RNLS: variants seen among roughly 807,000 people sequenced by gnomAD.
RNLS encodes renalase, FAD dependent amine oxidase.
A neutral mutation model predicts 39.8 loss-of-function variants in RNLS; 39 were observed. The ratio of observed to expected loss-of-function variants is 0.98; its 90% CI spans 0.76 to 1.28. The LOEUF is 1.28. RNLS is among the 50% of genes most tolerant of loss of function. RNLS has a pLI of 0.00. For synonymous variants in RNLS, 147 were observed against 150.7 expected, an observed-to-expected ratio of 0.98 and a Z score of 0.18; for missense variants, 410 against 413.3, an observed-to-expected ratio of 0.99 and a Z score of 0.07.
intron 4 of RNLS, among the ~76,000 whole-genome samples, chr10:88,559,625 C>T (rs895568115): frequency 1.3e-5 from 2 of 151,278 alleles, no homozygotes; most frequent in Non-Finnish European, 2.9e-5. Context: ...CTCCCTTTCC[C>T]ACTGAATGTC....
At position 88,417,878 on chromosome 10, in the gene RNLS, C is replaced by T. The variant is rs535885817; in HGVS notation, c.527-55153G>A. ...AAGCCTTCTCTTTAAGATGCAGATACGAATACTGTTTTAAGTGATCATGTT... is the reference window on the plus strand; with the variant it reads ...AAGCCTTCTCTTTAAGATGCAGATATGAATACTGTTTTAAGTGATCATGTT... On this transcript the variant is annotated intron_variant, in intron 4 of 6. Transcript: ENST00000331772. Among the ~76,000 whole-genome samples, 7 of 152,262 alleles carry T rather than the reference C, an allele frequency of 4.6e-5. No individual in the cohort carries two copies. In the South Asian group the frequency reaches 1.0e-3, roughly 23 times the overall value.
chr10:88,399,334 A>T (rs1852765831), intron 4 of RNLS, among the ~76,000 whole-genome samples: 1 of 152,088 alleles, frequency 6.6e-6, no homozygotes, highest in South Asian at 2.1e-4. Context: ...GAATGTTCGT[A>T]AAATTTTTAT....
chr10:88,485,221 A>AAT (rs1844420112), intron 4 of RNLS, among the ~76,000 whole-genome samples: 1 of 151,948 alleles, frequency 6.6e-6, no homozygotes, highest in African/African-American at 2.4e-5. Flanking sequence ...ATTTATTATT[A>AAT]ATATATACTA....
chr10:88,203,929 G>T, the RNLS span, among the ~76,000 whole-genome samples: 44 of 151,926 alleles, frequency 2.9e-4, no homozygotes, highest in Non-Finnish European at 1.5e-5. Context: ...AATAATAATG[G>T]TTAACATTTA....
At chr10:88,345,778 T>C (rs1848260880) in intron 5 of RNLS, among the ~76,000 whole-genome samples, 1 of 152,140 alleles carries the variant, frequency 6.6e-6, no homozygotes, top group Non-Finnish European at 1.5e-5. Flanking sequence ...TTAATCATGA[T>C]CACAGAGCTA....
At chr10:88,502,556 G>T (rs1030041572) in intron 4 of RNLS, among the ~76,000 whole-genome samples, 2 of 152,068 alleles carry the variant, frequency 1.3e-5, no homozygotes, top group Admixed American at 6.6e-5. Context: ...GCCCAGTCTT[G>T]GACTTTTCAG....
chr10:88,288,703 G>C (rs1222730076), intron 6 of RNLS, among the ~76,000 whole-genome samples: 1 of 152,162 alleles, frequency 6.6e-6, no homozygotes, highest in Non-Finnish European at 1.5e-5. Context: ...TTGATGAGTG[G>C]TAAATGCCAG....
chr10:88,482,276 G>A (rs1049702785), intron 4 of RNLS, among the ~76,000 whole-genome samples: 55 of 152,100 alleles, frequency 3.6e-4, no homozygotes, highest in African/African-American at 1.1e-3. Flanking sequence ...CTCCTATTAC[G>A]TCTATGTTGG....
intron 4 of RNLS, among the ~76,000 whole-genome samples, chr10:88,478,205 TC>T (rs1843935934): frequency 6.6e-6 from 1 of 152,198 alleles, no homozygotes; most frequent in Non-Finnish European, 1.5e-5. Flanking sequence ...GCATTCCTTG[TC>T]CCAGTTTCTT....
chr10:88,395,868 G>A (rs776287252), intron 4 of RNLS, among the ~76,000 whole-genome samples: 29 of 151,942 alleles, frequency 1.9e-4, no homozygotes, highest in Non-Finnish European at 8.8e-5. Flanking sequence ...TATGTTCCAG[G>A]GATTCTCAAT....
At chr10:88,351,409 C>A (rs557577795) in intron 5 of RNLS, among the ~76,000 whole-genome samples, 7 of 151,940 alleles carry the variant, frequency 4.6e-5, no homozygotes, top group Non-Finnish European at 8.8e-5. Context: ...TTTTTGTGTA[C>A]GGTGTAAGGA....
rs577777901 is a variant in RNLS, at chr10:88,467,206, T to C, written c.527-104481A>G. ...GTAGGTCCCTCTTACCTTTGCTTTA[T>C]AGCCTCAGTTTGCCTGAAGCTTTCA... On this transcript the variant is annotated intron_variant, in intron 4 of 6. Coordinates refer to ENST00000331772, the MANE Select transcript of RNLS (RefSeq NM_001031709.3). Among the ~76,000 whole-genome samples, 12 of 152,204 alleles carry C rather than the reference T, an allele frequency of 7.9e-5. No homozygotes were observed. In the South Asian group the frequency reaches 2.5e-3, roughly 32 times the overall value.
At chr10:88,459,214 T>G (rs550674155) in intron 4 of RNLS, among the ~76,000 whole-genome samples, 1 of 151,254 alleles carries the variant, frequency 6.6e-6, no homozygotes, top group East Asian at 1.9e-4. Flanking sequence ...TTTTGGTAGA[T>G]AAGGACTTTC....
chr10:88,174,215 C>A, the RNLS span, among the ~76,000 whole-genome samples: 1 of 151,794 alleles, frequency 6.6e-6, no homozygotes, highest in African/African-American at 2.4e-5. Flanking sequence ...TTGACTTCTT[C>A]TTTTCCAATT....
chr10:88,473,149 C>T (rs921665854), intron 4 of RNLS, among the ~76,000 whole-genome samples: 2 of 152,048 alleles, frequency 1.3e-5, no homozygotes, highest in African/African-American at 2.4e-5. Context: ...TGTATCTAAA[C>T]ACAGGTAAAA....
chr10:88,275,080 T>C, intron 6 of RNLS: 1 of 1,369,050 alleles, frequency 7.3e-7, no homozygotes, highest in Non-Finnish European at 1.0e-6. Context: ...CCCAACACAA[T>C]GGCCTCTGAC....
intron 4 of RNLS, among the ~76,000 whole-genome samples, chr10:88,532,477 G>A (rs757872842): frequency 6.6e-6 from 1 of 151,968 alleles, no homozygotes; most frequent in East Asian, 1.9e-4. Flanking sequence ...GAAAAGCAAA[G>A]ATTGGTTCCA....
At chr10:88,462,274 GAT>G (rs1273568484) in intron 4 of RNLS, among the ~76,000 whole-genome samples, 1 of 152,000 alleles carries the variant, frequency 6.6e-6, no homozygotes, top group Non-Finnish European at 1.5e-5. Context: ...GAGATATTTT[GAT>G]ACAAGTATGC....
chr10:88,545,468 C>A (rs1472659715), intron 4 of RNLS: 2 of 456,116 alleles, frequency 4.4e-6, no homozygotes, highest in East Asian at 1.4e-4. Flanking sequence ...TGGTGGCAGG[C>A]AAGACAGCAT....
Sources: gnomAD v4.1 joint callset for allele counts (sites outside exome capture counted in the v4.1 genomes callset) on GRCh38, gnomAD v4.1.1 for gene constraint, MANE v1.5 for transcripts, NCBI Gene and HGNC (gene_info 2026-07-23, HGNC 2026-07-21) for gene names.